PDK4: variants seen among roughly 807,000 people sequenced by gnomAD.
PDK4 encodes the protein pyruvate dehydrogenase kinase, isozyme 4.
PDK4 carries 43 observed loss-of-function variants against 51.7 expected under a neutral mutation model. The observed-to-expected ratio is 0.83, with a 90% CI of 0.65 to 1.07. The LOEUF (loss-of-function observed/expected upper bound fraction) is 1.07. PDK4 is among the 50% of genes least tolerant of loss of function. The pLI is 0.00. For synonymous variants in PDK4, 170 were observed against 176.6 expected (o/e 0.96, Z 0.30); for missense variants, 498 against 503.5 (o/e 0.99, Z 0.10).
chr7:95,596,365 G>A lies in PDK4; in HGVS notation c.-72C>T. 1 of 1,452,670 alleles carries A rather than the reference G, an allele frequency of 6.9e-7. No individual in the cohort carries two copies. Among genetic ancestry groups the A allele is most frequent in the Non-Finnish European group, 9.1e-7 (1 of 1,104,738 alleles). 90.0% of individuals were successfully genotyped at this position (1,452,670 alleles called of 1,614,324 possible). ...CGAAGGCTGCTCGGAGCAGAGCCTG[G>A]TTCCGAGGGGGCGCGGCGCGTCCGG... On this transcript the variant is annotated 5_prime_UTR_variant, in exon 1 of 11. Transcript: ENST00000005178.
Position 95,587,734 on chromosome 7 carries a change from G to T in PDK4, c.863C>A (p.Thr288Asn). ...AAAACAGAGAATGGTTACCTTAATG[G>T]TAAGGTCTTCTTTTCCCAAGACAAC... ...VIVVLGKEDLTIKISDRGGGV... is the reference protein window; with the variant it reads ...VIVVLGKEDLNIKISDRGGGV... The change falls in exon 8 of 11, where the codon ACC becomes AAC. Residue 288 changes from threonine (T) to asparagine (N), a missense_variant. By Grantham distance (65) the Thr-to-Asn change is moderately conservative. Coordinates refer to ENST00000005178, the MANE Select transcript of PDK4 (RefSeq NM_002612.4). 2 of 1,595,260 alleles carry T rather than the reference G, an allele frequency of 1.3e-6. No homozygotes were observed. Among genetic ancestry groups the T allele is most frequent in the Non-Finnish European group, 1.7e-6 (2 of 1,162,900 alleles).
At position 95,585,512 on chromosome 7, in the gene PDK4, T is replaced by C. The variant is rs1791469383; in HGVS notation, c.*129A>G. On this transcript the variant is annotated 3_prime_UTR_variant, in exon 11 of 11. Coordinates refer to ENST00000005178, the MANE Select transcript of PDK4 (RefSeq NM_002612.4). ...CAAGCTCCATTCCTCATTGGATCAG[T>C]GTTCTGATTAAGGAGTTTTCGTTGC... The C allele has an allele frequency of 1.4e-6, 1 of 726,108 alleles. No individual in the cohort carries two copies. The highest frequency in any genetic ancestry group is 2.2e-6 in the Non-Finnish European group (1 of 456,558). The allele number at this position is 726,108 out of a possible 1,614,324, so 45.0% of individuals were successfully genotyped here.
intron 8 of PDK4, 48 bp from the exon 9 acceptor site, chr7:95,587,576 G>A: frequency 7.6e-7 from 1 of 1,312,376 alleles, no homozygotes; most frequent in Non-Finnish European, 1.1e-6. Flanking sequence ...AAAACAATGT[G>A]CATTTGTCTA....
At chr7:95,593,650 C>T (rs766037324) in intron 3 of PDK4, 49 bp downstream of exon 3, 48 of 866,604 alleles carry the variant, frequency 5.5e-5, no homozygotes, top group Admixed American at 1.9e-4. Context: ...AGGAATCTAT[C>T]TGGAAAGAAC....
At position 95,587,404 on chromosome 7, in the gene PDK4, A is replaced by G. The variant is rs764938361; in HGVS notation, c.981+14T>C. The G allele has an allele frequency of 1.0e-5, 15 of 1,444,016 alleles. No homozygotes were observed. The highest frequency in any genetic ancestry group is 6.7e-5 in the Admixed American group (4 of 59,736). The allele number at this position is 1,444,016 out of a possible 1,614,324, so 89.5% of individuals were successfully genotyped here. On this transcript the variant is annotated intron_variant, in intron 9 of 10. Transcript: ENST00000005178. ...AGGTGGCTGAGATTAATTTAGCCAT[A>G]TAATTGTTCTTACCAAAGGAGCATT...
chr7:95,593,387 C>T (rs570301720), intron 3 of PDK4, among the ~76,000 whole-genome samples: 125 of 152,182 alleles, frequency 8.2e-4, no homozygotes, highest in Non-Finnish European at 1.4e-3. Context: ...TCTCCAATGA[C>T]GCTGAAATGT....
chr7:95,595,516 T>A (rs1791608468), intron 1 of PDK4, among the ~76,000 whole-genome samples: 1 of 152,140 alleles, frequency 6.6e-6, no homozygotes, highest in African/African-American at 2.4e-5. Context: ...ACAACATCCT[T>A]TAATGAGTGG....
chr7:95,585,845 A>T, intron 10 of PDK4, 64 bp from the exon 11 acceptor site: 1 of 1,393,090 alleles, frequency 7.2e-7, no homozygotes, highest in South Asian at 1.3e-5. Context: ...TTTGCACTTG[A>T]AGTTATTACT....
intron 1 of PDK4, among the ~76,000 whole-genome samples, chr7:95,595,556 G>A (rs1157449962): frequency 6.6e-6 from 1 of 152,172 alleles, no homozygotes; most frequent in African/African-American, 2.4e-5. Flanking sequence ...GGGGATAAGA[G>A]GCTGGAGGGG....
rs780800197 is a variant in PDK4 at position 95,587,007 on chromosome 7, T to C, written c.1095+3A>G. ...GGATTTTGCTATTGAATTCAAGGGATACCTTTAAGTAGATGATAGCATCTG... is the reference window on the plus strand; with the variant it reads ...GGATTTTGCTATTGAATTCAAGGGACACCTTTAAGTAGATGATAGCATCTG... On this transcript the variant is annotated splice_donor_region_variant and intron_variant, in intron 10 of 10. Coordinates refer to ENST00000005178, the MANE Select transcript of PDK4 (RefSeq NM_002612.4). The C allele has an allele frequency of 6.8e-6, 10 of 1,476,050 alleles. No individual in the cohort carries two copies. The highest frequency in any genetic ancestry group is 1.7e-5 in the Admixed American group (1 of 59,538). 91.4% of individuals were successfully genotyped at this position (1,476,050 alleles called of 1,614,324 possible). A position where few individuals can be genotyped will look rare whatever the true frequency, so the allele number is the denominator to read the frequency against.
chr7:95,584,445 G>C lies in PDK4; in HGVS notation c.*1196C>G, dbSNP rs1791454118. Reference sequence around the variant, plus strand: ...CTTAACTCTCCCAAAAATACCATATGCATTTCAGGTGTCATTCATTATCTC... The same window carrying C: ...CTTAACTCTCCCAAAAATACCATATCCATTTCAGGTGTCATTCATTATCTC... On this transcript the variant is annotated 3_prime_UTR_variant, in exon 11 of 11. Coordinates refer to ENST00000005178, the MANE Select transcript of PDK4 (RefSeq NM_002612.4). The C allele has an allele frequency of 6.6e-6, 1 of 151,660 alleles. No individual in the cohort carries two copies. Among genetic ancestry groups the C allele is most frequent in the Non-Finnish European group, 1.5e-5 (1 of 68,020 alleles). The allele number at this position is 151,660 out of a possible 1,614,324, so 9.4% of individuals were successfully genotyped here.
chr7:95,593,383 A>G (rs1791575656), intron 3 of PDK4, among the ~76,000 whole-genome samples: 1 of 152,124 alleles, frequency 6.6e-6, no homozygotes, highest in African/African-American at 2.4e-5. Context: ...TTAGTCTCCA[A>G]TGACGCTGAA....
chr7:95,591,933 A>G, intron 6 of PDK4, 55 bp downstream of exon 6: 1 of 899,728 alleles, frequency 1.1e-6, no homozygotes, highest in Non-Finnish European at 1.7e-6. Context: ...AAGCAATAAT[A>G]TTAGGAGAAC....
chr7:95,586,214 A>G (rs1266922948), intron 10 of PDK4, among the ~76,000 whole-genome samples: 1 of 16,436 alleles, frequency 6.1e-5, no homozygotes, highest in Non-Finnish European at 1.0e-4. Context: ...TTTTTTTTTG[A>G]GACGGAGTCT....
rs4727323 is a variant in PDK4 at position 95,587,082 on chromosome 7, T to G, written c.1023A>C (p.Ala341=). 0.38 allele frequency: 610,941 copies of G among 1,607,030 alleles called. 123,309 individuals carry two copies. The highest frequency in any genetic ancestry group is 0.78 in the East Asian group (35,128 of 44,806). ...GATTCAGATCTCCTTGAAAGTACTT[T>G]GCATACAGACGAGAAATTGGCAAGC... ...GYGLPISRLY[A]KYFQGDLNLY... is the part of the protein sequence containing the mutation. The change falls in exon 10 of 11, where the codon GCA becomes GCC. Residue 341 remains alanine, a synonymous_variant. Coordinates refer to ENST00000005178, the MANE Select transcript of PDK4 (RefSeq NM_002612.4).
In PDK4 at chr7:95,587,115, A is replaced by G. The variant is rs1791493009; in HGVS notation, c.990T>C (p.Phe330=). The G allele has an allele frequency of 6.3e-7, 1 of 1,593,742 alleles. No homozygotes were observed. Among genetic ancestry groups the G allele is most frequent in the Admixed American group, 1.7e-5 (1 of 59,942 alleles). The part of the protein sequence containing the change: ...DNSRNAPLAG[F]GYGLPISRLY... ...GACGAGAAATTGGCAAGCCGTAACC[A>G]AAACCAGCCTAGAGAAGAGAGACGT... The change falls in exon 10 of 11, where the codon TTT becomes TTC. Residue 330 remains phenylalanine, a synonymous_variant. Coordinates refer to ENST00000005178, the MANE Select transcript of PDK4 (RefSeq NM_002612.4).
chr7:95,587,664 A>G, intron 8 of PDK4, 63 bp downstream of exon 8: 3 of 1,249,032 alleles, frequency 2.4e-6, no homozygotes, highest in Non-Finnish European at 3.5e-6. Context: ...AGACAGCTTT[A>G]TTACTATTGA....
chr7:95,592,638 C>A, intron 4 of PDK4, 41 bp from the exon 5 acceptor site: 1 of 1,470,256 alleles, frequency 6.8e-7, no homozygotes, highest in Non-Finnish European at 9.5e-7. Flanking sequence ...TTATAAAATT[C>A]AGGATAATGA....
chr7:95,587,885 T>TC, intron 7 of PDK4, 60 bp from the exon 8 acceptor site: 2 of 1,060,378 alleles, frequency 1.9e-6, no homozygotes, highest in Non-Finnish European at 2.9e-6. Context: ...AATAAATGTT[T>TC]TTTTTTTTAT....
Sources: gnomAD v4.1 joint callset for allele counts (sites outside exome capture counted in the v4.1 genomes callset) on GRCh38, gnomAD v4.1.1 for gene constraint, MANE v1.5 for transcripts, NCBI Gene and HGNC (gene_info 2026-07-23, HGNC 2026-07-21) for gene names.